MTMR2: variants seen among roughly 807,000 people sequenced by gnomAD.
The protein encoded by MTMR2 is myotubularin related protein 2.
A neutral mutation model predicts 86.9 loss-of-function variants in MTMR2; 55 were observed. The observed-to-expected ratio is 0.63, with a 90% CI of 0.51 to 0.79. The LOEUF (loss-of-function observed/expected upper bound fraction) is 0.79, where lower values mean the gene tolerates loss of function less well. MTMR2 is among the 30% of genes least tolerant of loss of function. MTMR2 has a pLI of 0.00. For missense variants in MTMR2, 659 were observed against 772.3 expected (o/e 0.85, Z 1.74); for synonymous variants, 241 against 266.8 (o/e 0.90, Z 0.94).
At chr11:95,902,302 G>A (rs1181863038) in intron 1 of MTMR2, among the ~76,000 whole-genome samples, 1 of 152,076 alleles carries the variant, frequency 6.6e-6, no homozygotes, top group Non-Finnish European at 1.5e-5. Flanking sequence ...AAAGGGCATT[G>A]GAAATCCATG....
At chr11:95,894,287 C>T (rs907123491) in intron 1 of MTMR2, among the ~76,000 whole-genome samples, 9 of 152,116 alleles carry the variant, frequency 5.9e-5, no homozygotes, top group African/African-American at 2.2e-4. Flanking sequence ...ATTTACTCAC[C>T]TAAAAGCTCC....
intron 13 of MTMR2, 98 bp from the exon 14 acceptor site, chr11:95,836,422 C>A: frequency 8.4e-7 from 1 of 1,186,182 alleles, no homozygotes; most frequent in East Asian, 2.4e-5. Context: ...ATTAAAATCT[C>A]TTTAGAGGAA....
chr11:95,840,237 G>C (rs1863485851), intron 12 of MTMR2: 1 of 152,066 alleles, frequency 6.6e-6, no homozygotes. Flanking sequence ...ACCTTGGAAA[G>C]CAGTACACAC....
At chr11:95,858,460 G>T in intron 6 of MTMR2, 71 bp downstream of exon 6, 1 of 982,334 alleles carries the variant, frequency 1.0e-6, no homozygotes, top group Non-Finnish European at 1.6e-6. Flanking sequence ...ATTCTAGACA[G>T]CCTAGACAAG....
chr11:95,850,604 A>ATACG lies in MTMR2; in HGVS notation c.796_799dup (p.Ile267ThrfsTer11). 1 of 1,614,048 alleles carries ATACG rather than the reference A, an allele frequency of 6.2e-7. No individual in the cohort carries two copies. The highest frequency in any genetic ancestry group is 2.2e-5 in the East Asian group (1 of 44,870). ...TCATCCAAACTTCCTACTTACTGGG[A>ATACG]TACGGCCTCTTGATCTGAAGGATGC... is the stretch of plus-strand genomic sequence containing the variant. On this transcript the variant is annotated frameshift_variant, in exon 8 of 15. Coordinates refer to ENST00000346299, the MANE Select transcript of MTMR2 (RefSeq NM_016156.6). LOFTEE classifies it high-confidence loss of function.
chr11:95,858,874 G>A (rs1864305685), intron 5 of MTMR2, among the ~76,000 whole-genome samples: 1 of 152,082 alleles, frequency 6.6e-6, no homozygotes, highest in Non-Finnish European at 1.5e-5. Context: ...CTATGCTTAT[G>A]GACTCAAAAT....
chr11:95,910,705 T>C (rs1866469206), intron 1 of MTMR2, among the ~76,000 whole-genome samples: 1 of 152,160 alleles, frequency 6.6e-6, no homozygotes, highest in African/African-American at 2.4e-5. Flanking sequence ...TTGTAAGTAA[T>C]GTCCTGAGCA....
At chr11:95,909,478 T>G (rs1399941937) in intron 1 of MTMR2, among the ~76,000 whole-genome samples, 2 of 152,152 alleles carry the variant, frequency 1.3e-5, no homozygotes, top group Non-Finnish European at 2.9e-5. Context: ...TGTCTCCAGA[T>G]AGCAGGGGTT....
chr11:95,923,185 T>G (rs1469519272), intron 1 of MTMR2, among the ~76,000 whole-genome samples: 1 of 152,190 alleles, frequency 6.6e-6, no homozygotes, highest in Non-Finnish European at 1.5e-5. Context: ...AATGACAACG[T>G]GGAGAACCAG....
intron 1 of MTMR2, among the ~76,000 whole-genome samples, chr11:95,895,843 C>T (rs1297927521): frequency 1.3e-5 from 2 of 152,072 alleles, no homozygotes; most frequent in Non-Finnish European, 2.9e-5. Flanking sequence ...ATTAAAAACA[C>T]ATGAATGTAC....
At chr11:95,873,994 T>G (rs1046468708) in intron 2 of MTMR2, among the ~76,000 whole-genome samples, 1 of 152,234 alleles carries the variant, frequency 6.6e-6, no homozygotes, top group African/African-American at 2.4e-5. Context: ...TTACATTTGC[T>G]GAGGAGTGCT....
intron 1 of MTMR2, among the ~76,000 whole-genome samples, chr11:95,910,166 A>G (rs1866445454): frequency 6.6e-6 from 1 of 151,534 alleles, no homozygotes; most frequent in African/African-American, 2.4e-5. Context: ...GATTTTTTAT[A>G]TAGTCAATCA....
intron 9 of MTMR2, 40 bp from the exon 10 acceptor site, chr11:95,847,939 G>A (rs1863864611): frequency 1.3e-6 from 2 of 1,535,332 alleles, no homozygotes; most frequent in South Asian, 2.2e-5. Flanking sequence ...ATAAATGAAT[G>A]CACATCTGTA....
At chr11:95,874,538 C>G (rs1208946415) in intron 2 of MTMR2, among the ~76,000 whole-genome samples, 1 of 152,136 alleles carries the variant, frequency 6.6e-6, no homozygotes, top group African/African-American at 2.4e-5. Flanking sequence ...TGGGTCTTGA[C>G]TCTTTATCCA....
chr11:95,904,548 G>A (rs1228063496), intron 1 of MTMR2, among the ~76,000 whole-genome samples: 4 of 152,262 alleles, frequency 2.6e-5, no homozygotes, highest in South Asian at 2.1e-4. Flanking sequence ...AACAGCATGC[G>A]GTAAAGAAGC....
chr11:95,852,602 C>A (rs749436923), intron 7 of MTMR2, among the ~76,000 whole-genome samples: 2 of 152,208 alleles, frequency 1.3e-5, no homozygotes, highest in Non-Finnish European at 2.9e-5. Context: ...TCCCTCCCTC[C>A]TGATTTCGTT....
chr11:95,853,044 A>T (rs964150294), intron 7 of MTMR2, among the ~76,000 whole-genome samples: 1 of 145,286 alleles, frequency 6.9e-6, no homozygotes, highest in East Asian at 2.0e-4. Flanking sequence ...ATTTATATAT[A>T]ATATATATAT....
At chr11:95,867,257 C>T (rs1591002355) in intron 2 of MTMR2, among the ~76,000 whole-genome samples, 2 of 152,130 alleles carry the variant, frequency 1.3e-5, no homozygotes, top group East Asian at 1.9e-4. Flanking sequence ...GCAGTAGTTC[C>T]CATATTGCAT....
intron 4 of MTMR2, 60 bp downstream of exon 4, chr11:95,862,212 A>G: frequency 6.4e-7 from 1 of 1,561,058 alleles, no homozygotes; most frequent in Non-Finnish European, 8.8e-7. Context: ...ATCAGAAATG[A>G]ACAAAACTAG....
Sources: allele counts gnomAD v4.1 joint callset (sites outside exome capture counted in the v4.1 genomes callset), GRCh38; gene constraint gnomAD v4.1.1; transcripts MANE v1.5; gene names NCBI Gene and HGNC (gene_info 2026-07-23, HGNC 2026-07-21).